The following LHFPL4 variants were observed in gnomAD, a reference collection of about 807,000 sequenced individuals.
LHFPL4 encodes the protein LHFPL tetraspan subfamily member 4, also known as LHFPL tetraspan subfamily member 4 protein.
A neutral mutation model predicts 20.0 loss-of-function variants in LHFPL4; 6 were observed. That is an observed-to-expected ratio of 0.30 (90% confidence interval 0.16 to 0.59). LHFPL4 has a LOEUF of 0.59. LHFPL4 is among the 20% of genes least tolerant of loss of function. The pLI, the probability that LHFPL4 is intolerant of heterozygous loss-of-function variation, is 0.88. For missense variants in LHFPL4, 215 were observed against 331.2 expected, an observed-to-expected ratio of 0.65 and a Z score of 2.72; for synonymous variants, 129 against 143.8, an observed-to-expected ratio of 0.90 and a Z score of 0.74.
chr3:9,512,680 G>A (rs2046269040), intron 2 of LHFPL4, among the ~76,000 whole-genome samples: 1 of 152,150 alleles, frequency 6.6e-6, no homozygotes, highest in Admixed American at 6.5e-5. Context: ...CAAAATACAT[G>A]TAGATGTGTT....
chr3:9,500,009 CTCA>C lies in LHFPL4; in HGVS notation c.*2199_*2201del, dbSNP rs1306143241. The stretch of plus-strand genomic sequence containing the variant: ...TCTCGGGCAGCCTCTCAGCTGGTCT[CTCA>C]TCTCTCTCCACCTCTGCCCCGTCTC... On this transcript the variant is annotated 3_prime_UTR_variant, in exon 4 of 4. Coordinates refer to ENST00000287585, the MANE Select transcript of LHFPL4 (RefSeq NM_198560.3). 2.0e-5 allele frequency: 3 copies of C among 151,752 alleles called. No homozygotes were observed. The allele number at this position is 151,752 out of a possible 1,614,324, so 9.4% of individuals were successfully genotyped here.
chr3:9,509,053 G>A (rs183040243), intron 2 of LHFPL4, among the ~76,000 whole-genome samples: 65 of 152,268 alleles, frequency 4.3e-4, no homozygotes, highest in African/African-American at 1.4e-3. Context: ...CCTGCATCCC[G>A]GCGCTCCCAG....
chr3:9,523,993 C>G lies in LHFPL4; in HGVS notation c.407-17790G>C, dbSNP rs117636511. On this transcript the variant is annotated intron_variant, in intron 2 of 3. Coordinates refer to ENST00000287585, the MANE Select transcript of LHFPL4 (RefSeq NM_198560.3). Reference sequence around the variant, plus strand: ...TTCTAGGCTAGTATTTCCCCCCCCCCCAACACTTTAAATATTTCACTCCAT... The same window carrying G: ...TTCTAGGCTAGTATTTCCCCCCCCCGCAACACTTTAAATATTTCACTCCAT... Among the ~76,000 whole-genome samples, 16 of 142,364 alleles carry G rather than the reference C, an allele frequency of 1.1e-4. No homozygotes were observed. In the South Asian group the frequency reaches 1.2e-3, roughly 11 times the overall value. The allele number at this position is 142,364 out of a possible 152,430, so 93.4% of individuals were successfully genotyped here.
At chr3:9,540,339 T>C (rs1029171718) in intron 2 of LHFPL4, among the ~76,000 whole-genome samples, 1 of 152,174 alleles carries the variant, frequency 6.6e-6, no homozygotes, top group African/African-American at 2.4e-5. Flanking sequence ...TATATTACCA[T>C]TAGCAGTGGC....
chr3:9,509,056 G>C (rs1056418845), intron 2 of LHFPL4, among the ~76,000 whole-genome samples: 1 of 152,182 alleles, frequency 6.6e-6, no homozygotes, highest in Non-Finnish European at 1.5e-5. Flanking sequence ...GCATCCCGGC[G>C]CTCCCAGCTG....
chr3:9,537,724 TCA>T (rs1307358011), intron 2 of LHFPL4, among the ~76,000 whole-genome samples: 1 of 152,174 alleles, frequency 6.6e-6, no homozygotes, highest in African/African-American at 2.4e-5. Flanking sequence ...GACTCCTGTC[TCA>T]CAGTTAGTTT....
intron 2 of LHFPL4, among the ~76,000 whole-genome samples, chr3:9,522,366 T>C (rs931697689): frequency 6.6e-6 from 1 of 152,140 alleles, no homozygotes; most frequent in African/African-American, 2.4e-5. Context: ...TAAATAAGCG[T>C]GCGTGTGTGT....
chr3:9,542,576 G>A lies in LHFPL4; in HGVS notation c.406+9698C>T, dbSNP rs773733052. Among the ~76,000 whole-genome samples the A allele has an allele frequency of 1.5e-4, 23 of 152,130 alleles. No homozygotes were observed. In the South Asian group the frequency reaches 1.9e-3, roughly 12 times the overall value. ...AATCCCATCACTTTGGGAGATCGAGGTGGAAGGATTGCTTGAGTTCAAGAG... is the reference window on the plus strand; with the variant it reads ...AATCCCATCACTTTGGGAGATCGAGATGGAAGGATTGCTTGAGTTCAAGAG... On this transcript the variant is annotated intron_variant, in intron 2 of 3. Transcript: ENST00000287585.
chr3:9,532,103 G>T (rs565962704), intron 2 of LHFPL4, among the ~76,000 whole-genome samples: 52 of 152,112 alleles, frequency 3.4e-4, no homozygotes, highest in Non-Finnish European at 6.9e-4. Context: ...GCGGCTCACT[G>T]CAACCTCTGC....
chr3:9,548,966 G>C (rs1403953546), intron 2 of LHFPL4, among the ~76,000 whole-genome samples: 1 of 152,206 alleles, frequency 6.6e-6, no homozygotes, highest in Non-Finnish European at 1.5e-5. Context: ...TTTAAAATGA[G>C]CGAGCACAGA....
intron 2 of LHFPL4, among the ~76,000 whole-genome samples, chr3:9,517,802 T>G (rs1240123565): frequency 1.4e-5 from 1 of 69,396 alleles, no homozygotes; most frequent in South Asian, 4.3e-4. Context: ...GGTTTTTTTG[T>G]TTTTTGTTTT....
chr3:9,519,024 GC>G (rs1270306732), intron 2 of LHFPL4, among the ~76,000 whole-genome samples: 1 of 151,904 alleles, frequency 6.6e-6, no homozygotes, highest in African/African-American at 2.4e-5. Flanking sequence ...TACAACCTCT[GC>G]CTCCTGGGTT....
chr3:9,507,911 T>C (rs2046229948), intron 2 of LHFPL4, among the ~76,000 whole-genome samples: 1 of 152,222 alleles, frequency 6.6e-6, no homozygotes, highest in African/African-American at 2.4e-5. Flanking sequence ...ACCGGCTTGA[T>C]GGGGCCCTCG....
intron 2 of LHFPL4, among the ~76,000 whole-genome samples, chr3:9,535,838 G>A (rs1339314994): frequency 6.6e-6 from 1 of 152,134 alleles, no homozygotes; most frequent in Non-Finnish European, 1.5e-5. Flanking sequence ...TCTCACTCTT[G>A]TTGCCCAGGC....
At chr3:9,547,164 T>A (rs866725177) in intron 2 of LHFPL4, among the ~76,000 whole-genome samples, 104 of 152,248 alleles carry the variant, frequency 6.8e-4, no homozygotes, top group African/African-American at 2.4e-3. Context: ...AATTTTTAAA[T>A]TATTTGTAGA....
intron 2 of LHFPL4, among the ~76,000 whole-genome samples, chr3:9,548,936 A>G (rs1311816445): frequency 6.6e-6 from 1 of 152,210 alleles, no homozygotes; most frequent in Admixed American, 6.5e-5. Context: ...CTTATTTGTC[A>G]CCTTGAAGAC....
intron 2 of LHFPL4, among the ~76,000 whole-genome samples, chr3:9,521,769 T>C (rs978714393): frequency 5.9e-5 from 9 of 152,246 alleles, no homozygotes; most frequent in East Asian, 1.9e-4. Context: ...TTAATCAATA[T>C]GTGTCTTTAT....
intron 2 of LHFPL4, among the ~76,000 whole-genome samples, chr3:9,520,005 C>T (rs1456502290): frequency 6.6e-6 from 1 of 152,100 alleles, no homozygotes; most frequent in African/African-American, 2.4e-5. Flanking sequence ...TTAATTTGCT[C>T]TTCTTTTTCT....
intron 2 of LHFPL4, among the ~76,000 whole-genome samples, chr3:9,514,854 A>G (rs2046287546): frequency 6.6e-6 from 1 of 152,208 alleles, no homozygotes; most frequent in African/African-American, 2.4e-5. Flanking sequence ...TTAGTGCTCA[A>G]TAATATTCTA....
Sources: allele counts gnomAD v4.1 joint callset (sites outside exome capture counted in the v4.1 genomes callset), GRCh38; gene constraint gnomAD v4.1.1; transcripts MANE v1.5; gene names NCBI Gene and HGNC (gene_info 2026-07-23, HGNC 2026-07-21).